The following NOP58 variants were observed in gnomAD, a reference collection of about 807,000 sequenced individuals.
NOP58 encodes the protein NOP58 ribonucleoprotein.
A neutral mutation model predicts 71.2 loss-of-function variants in NOP58; 44 were observed. The ratio of observed to expected loss-of-function variants is 0.62; its 90% CI spans 0.49 to 0.79. NOP58 has a LOEUF of 0.79. Among genes scored for constraint, NOP58 ranks in the 30% least tolerant of loss-of-function variants. The probability of loss-of-function intolerance (pLI) is 0.00; values close to 1 mark genes in which losing one functional copy is unlikely to be tolerated. For missense variants in NOP58, 538 were observed against 620.2 expected (o/e 0.87, Z 1.41); for synonymous variants, 228 against 200.3 (o/e 1.14, Z -1.17).
intron 5 of NOP58, among the ~76,000 whole-genome samples, chr2:202,285,733 C>G (rs904254476): frequency 6.6e-6 from 1 of 152,086 alleles, no homozygotes; most frequent in Non-Finnish European, 1.5e-5. Flanking sequence ...TACATCTGTT[C>G]ATGAAAAGCT....
At chr2:202,270,741 C>A (rs1053615956) in intron 1 of NOP58, among the ~76,000 whole-genome samples, 2 of 151,776 alleles carry the variant, frequency 1.3e-5, no homozygotes, top group Non-Finnish European at 2.9e-5. Flanking sequence ...CAGAGTGAGA[C>A]CTCATCTCAA....
At chr2:202,297,933 T>G in intron 12 of NOP58, 27 bp downstream of exon 12, 1 of 1,368,918 alleles carries the variant, frequency 7.3e-7, no homozygotes, top group Non-Finnish European at 9.9e-7. Context: ...GAGGATGGGG[T>G]GAATAGTTTT....
chr2:202,276,791 T>A (rs1051359082), intron 2 of NOP58, among the ~76,000 whole-genome samples: 1 of 152,056 alleles, frequency 6.6e-6, no homozygotes. Context: ...TGAGCTGTGA[T>A]TGCACCACTG....
intron 1 of NOP58, among the ~76,000 whole-genome samples, chr2:202,274,662 C>G (rs917459954): frequency 6.6e-6 from 1 of 151,876 alleles, no homozygotes; most frequent in Non-Finnish European, 1.5e-5. Context: ...CTCAGGAGGC[C>G]GAGGCACTAG....
intron 1 of NOP58, among the ~76,000 whole-genome samples, chr2:202,267,904 G>C (rs1243243428): frequency 6.6e-6 from 1 of 152,152 alleles, no homozygotes; most frequent in African/African-American, 2.4e-5. Flanking sequence ...GCAAGTTACT[G>C]TTCAAAATGA....
chr2:202,275,343 AT>A (rs1418825967), intron 2 of NOP58, 154 bp downstream of exon 2: 2 of 559,574 alleles, frequency 3.6e-6, no homozygotes, highest in Non-Finnish European at 6.5e-6. Context: ...ATTATTACAA[AT>A]GTTTTACTTG....
chr2:202,282,536 C>T (rs1290922242), intron 4 of NOP58, 64 bp downstream of exon 4: 2 of 1,486,442 alleles, frequency 1.3e-6, no homozygotes, highest in Non-Finnish European at 1.8e-6. Flanking sequence ...AACTACAAAG[C>T]CTAGCCTTTG....
In NOP58 at chr2:202,303,550, G is replaced by T; in HGVS notation, c.*114G>T. ...AAGGGAAGGTTCAGTAAGACAAAGT[G>T]ATTTATCATCTATAACTTCAAACCT... On this transcript the variant is annotated 3_prime_UTR_variant, in exon 15 of 15. Coordinates refer to ENST00000264279, the MANE Select transcript of NOP58 (RefSeq NM_015934.5). 1 of 1,351,562 alleles carries T rather than the reference G, an allele frequency of 7.4e-7. No individual in the cohort carries two copies. The highest frequency in any genetic ancestry group is 9.8e-7 in the Non-Finnish European group (1 of 1,018,366). 83.7% of individuals were successfully genotyped at this position (1,351,562 alleles called of 1,614,324 possible).
chr2:202,300,792 T>G (rs892815878), intron 13 of NOP58, among the ~76,000 whole-genome samples: 1 of 152,182 alleles, frequency 6.6e-6, no homozygotes, highest in African/African-American at 2.4e-5. Context: ...TAGCCTGCCG[T>G]CATAGTTACA....
intron 3 of NOP58, among the ~76,000 whole-genome samples, chr2:202,278,921 G>A (rs1371010353): frequency 6.6e-6 from 1 of 152,264 alleles, no homozygotes; most frequent in South Asian, 2.1e-4. Flanking sequence ...TAGGCTGAAG[G>A]AAGACCCATA....
chr2:202,294,408 GTATTA>G (rs1688955977), intron 9 of NOP58, among the ~76,000 whole-genome samples: 1 of 150,880 alleles, frequency 6.6e-6, no homozygotes, highest in Non-Finnish European at 1.5e-5. Context: ...TAAGTTCATA[GTATTA>G]ATAGAGTCTG....
At chr2:202,298,246 C>T (rs903612495) in intron 12 of NOP58, among the ~76,000 whole-genome samples, 9 of 152,170 alleles carry the variant, frequency 5.9e-5, no homozygotes, top group African/African-American at 1.2e-4. Flanking sequence ...TTTAGTTTTC[C>T]GCATTAACTT....
At chr2:202,275,916 G>A (rs976208653) in intron 2 of NOP58, among the ~76,000 whole-genome samples, 5 of 152,144 alleles carry the variant, frequency 3.3e-5, no homozygotes, top group Non-Finnish European at 7.3e-5. Context: ...CGATCCGCCT[G>A]CCTCGGCCTC....
intron 11 of NOP58, 148 bp downstream of exon 11, chr2:202,297,661 C>G (rs1009293687): frequency 3.0e-5 from 27 of 901,426 alleles, no homozygotes; most frequent in Non-Finnish European, 3.7e-5. Flanking sequence ...TTAACAATTG[C>G]TATTATTTAC....
At chr2:202,276,603 G>A in intron 2 of NOP58, 1 of 378,626 alleles carries the variant, frequency 2.6e-6, no homozygotes, top group South Asian at 1.9e-5. Flanking sequence ...ATTTTGGGAG[G>A]CCAAGGCAGG....
At chr2:202,299,233 C>T (rs796513732) in intron 12 of NOP58, among the ~76,000 whole-genome samples, 101 of 152,284 alleles carry the variant, frequency 6.6e-4, no homozygotes, top group African/African-American at 2.1e-3. Flanking sequence ...GCTGGGATTA[C>T]AGGCGTGAGC....
chr2:202,303,416 AAGAG>A lies in NOP58; in HGVS notation c.1576_1579del (p.Glu526ThrfsTer19), dbSNP rs771261466. 320 of 1,612,198 alleles carry A rather than the reference AAGAG, an allele frequency of 2.0e-4. 3 individuals are homozygous for A. In the South Asian group the frequency reaches 2.1e-3, roughly 11 times the overall value. On this transcript the variant is annotated frameshift_variant, in exon 15 of 15. Coordinates refer to ENST00000264279, the MANE Select transcript of NOP58 (RefSeq NM_015934.5). LOFTEE classifies it high-confidence loss of function. ...AGAGAAAAAGAAGAAAAAGAAAAAA[AAGAG>A]AGAGAACGAGGATTAACAGAAAGGA...
At chr2:202,289,590 A>G (rs2105849495) in intron 6 of NOP58, among the ~76,000 whole-genome samples, 1 of 152,304 alleles carries the variant, frequency 6.6e-6, no homozygotes, top group African/African-American at 2.4e-5. Context: ...ATTTTGGGTA[A>G]CGTACACCCA....
At chr2:202,293,240 A>C in intron 9 of NOP58, 1 of 423,294 alleles carries the variant, frequency 2.4e-6, no homozygotes, top group Non-Finnish European at 4.6e-6. Flanking sequence ...CTAGACCTAG[A>C]TTTGAATACA....
Sources: allele counts gnomAD v4.1 joint callset (sites outside exome capture counted in the v4.1 genomes callset), GRCh38; gene constraint gnomAD v4.1.1; transcripts MANE v1.5; gene names NCBI Gene and HGNC (gene_info 2026-07-23, HGNC 2026-07-21).